Variants in CDH20 observed in about 807,000 individuals in gnomAD.
CDH20 encodes the protein cadherin-20.
In CDH20, 29 loss-of-function variants were observed where a neutral mutation model predicts 74.2. That is an observed-to-expected ratio of 0.39 (90% CI 0.29 to 0.53). The LOEUF (loss-of-function observed/expected upper bound fraction) is 0.53, where lower values mean the gene tolerates loss of function less well. CDH20 is among the 20% of genes least tolerant of loss of function. The pLI, the probability that CDH20 is intolerant of heterozygous loss-of-function variation, is 0.69. For missense variants in CDH20, 988 were observed against 1,048.3 expected, an observed-to-expected ratio of 0.94 and a Z score of 0.79; for synonymous variants, 469 against 405.4, an observed-to-expected ratio of 1.16 and a Z score of -1.88.
intron 1 of CDH20, among the ~76,000 whole-genome samples, chr18:61,475,338 G>A (rs1216597981): frequency 6.6e-6 from 1 of 152,168 alleles, no homozygotes; most frequent in Non-Finnish European, 1.5e-5. Context: ...TGACTTGGAT[G>A]GCTAGAAGTG....
At chr18:61,428,445 G>A (rs1599078344) in intron 1 of CDH20, among the ~76,000 whole-genome samples, 2 of 152,068 alleles carry the variant, frequency 1.3e-5, no homozygotes, top group South Asian at 2.1e-4. Flanking sequence ...TTGTGTTGAC[G>A]GCTCCTGCAG....
chr18:61,415,028 A>G (rs1274067786), intron 1 of CDH20, among the ~76,000 whole-genome samples: 2 of 152,134 alleles, frequency 1.3e-5, no homozygotes, highest in African/African-American at 4.8e-5. Flanking sequence ...GTATACAATG[A>G]CATCATTTGC....
chr18:61,470,249 G>T (rs1172718251), intron 1 of CDH20, among the ~76,000 whole-genome samples: 2 of 152,148 alleles, frequency 1.3e-5, no homozygotes, highest in Non-Finnish European at 2.9e-5. Context: ...TATCATCCCT[G>T]TACACAACCT....
intron 1 of CDH20, among the ~76,000 whole-genome samples, chr18:61,460,362 G>T (rs191896004): frequency 6.6e-6 from 1 of 152,268 alleles, no homozygotes; most frequent in Non-Finnish European, 1.5e-5. Context: ...TCCTGGCATT[G>T]AATTCAAAAC....
rs140837815 is a variant in CDH20 at position 61,475,619 on chromosome 18, C to T, written c.-152-14783C>T. Among the ~76,000 whole-genome samples, 480 of 152,242 alleles carry T rather than the reference C, an allele frequency of 3.2e-3. 2 individuals carry two copies. The highest frequency in any genetic ancestry group is 0.011 in the African/African-American group (458 of 41,548). ...TTGGAAAAATCTCAATGCTTAGTGACCATGACTTTAGACATCCTTAAAAGT... is the reference window on the plus strand; with the variant it reads ...TTGGAAAAATCTCAATGCTTAGTGATCATGACTTTAGACATCCTTAAAAGT... On this transcript the variant is annotated intron_variant, in intron 1 of 11. Transcript: ENST00000262717.
chr18:61,521,606 C>T (rs1187978314), intron 6 of CDH20, among the ~76,000 whole-genome samples: 1 of 151,336 alleles, frequency 6.6e-6, no homozygotes, highest in African/African-American at 2.5e-5. Flanking sequence ...CAAAACCTGG[C>T]AGAGACACAA....
At chr18:61,466,703 G>C (rs900955899) in intron 1 of CDH20, among the ~76,000 whole-genome samples, 5 of 152,118 alleles carry the variant, frequency 3.3e-5, no homozygotes, top group Admixed American at 1.3e-4. Flanking sequence ...GTAAAGTTTA[G>C]GTCTGAGGGA....
At chr18:61,426,307 AC>A (rs1200089023) in intron 1 of CDH20, among the ~76,000 whole-genome samples, 1 of 152,014 alleles carries the variant, frequency 6.6e-6, no homozygotes. Context: ...TATACAACCA[AC>A]TCTCCCTCAA....
intron 1 of CDH20, among the ~76,000 whole-genome samples, chr18:61,361,450 G>A (rs1458784327): frequency 6.6e-6 from 1 of 152,174 alleles, no homozygotes; most frequent in Non-Finnish European, 1.5e-5. Flanking sequence ...AAATAGTGCT[G>A]AACTAAGATC....
At chr18:61,362,854 C>T (rs1417376466) in intron 1 of CDH20, among the ~76,000 whole-genome samples, 2 of 152,070 alleles carry the variant, frequency 1.3e-5, no homozygotes, top group South Asian at 2.1e-4. Context: ...TACATATATA[C>T]ATGTTTAATT....
chr18:61,392,964 CACTGCCCAAGTCAAATTT>C (rs1911845068), intron 1 of CDH20, among the ~76,000 whole-genome samples: 1 of 152,174 alleles, frequency 6.6e-6, no homozygotes, highest in Non-Finnish European at 1.5e-5. Flanking sequence ...GTGGCAGGAT[CACTGCCCAAGTCAAATTT>C]ACAGCAAACT....
In CDH20 at chr18:61,554,921, TTTTC is replaced by T. The variant is rs1356674457; in HGVS notation, c.*230_*233del. ...CAGAATCTTTAATTACCTTTTTTTC[TTTTC>T]TTTTTGATTTTTCTGACACTGTGTG... On this transcript the variant is annotated 3_prime_UTR_variant, in exon 12 of 12. Coordinates refer to ENST00000262717, the MANE Select transcript of CDH20 (RefSeq NM_031891.4). 7.3e-7 allele frequency: 1 copy of T among 1,370,282 alleles called. No homozygotes were observed. Among genetic ancestry groups the T allele is most frequent in the Non-Finnish European group, 9.4e-7 (1 of 1,063,658 alleles). The allele number at this position is 1,370,282 out of a possible 1,614,324, so 84.9% of individuals were successfully genotyped here. A position where few individuals can be genotyped will look rare whatever the true frequency, so the allele number is the denominator to read the frequency against.
chr18:61,499,671 T>C (rs962623239), intron 3 of CDH20, among the ~76,000 whole-genome samples, 191 bp downstream of exon 3: 1 of 152,206 alleles, frequency 6.6e-6, no homozygotes, highest in Non-Finnish European at 1.5e-5. Context: ...GGAAGCTATA[T>C]AGACATTGGA....
intron 1 of CDH20, among the ~76,000 whole-genome samples, chr18:61,337,930 T>C (rs542574878): frequency 6.6e-6 from 1 of 152,196 alleles, no homozygotes; most frequent in South Asian, 2.1e-4. Flanking sequence ...AGTATAATTG[T>C]TCTGGGAATA....
intron 6 of CDH20, among the ~76,000 whole-genome samples, chr18:61,518,506 A>G (rs1443301181): frequency 6.9e-6 from 1 of 145,662 alleles, no homozygotes; most frequent in Non-Finnish European, 1.5e-5. Context: ...AGCAAACTCC[A>G]GCAGACCTGC....
At chr18:61,454,312 T>A (rs139503130) in intron 1 of CDH20, among the ~76,000 whole-genome samples, 13 of 152,328 alleles carry the variant, frequency 8.5e-5, no homozygotes, top group Non-Finnish European at 1.6e-4. Flanking sequence ...ACAGTAGAGA[T>A]ACAGGAAGTT....
rs145980737 is a variant in CDH20, at chr18:61,430,672, G to T, written c.-152-59730G>T. On this transcript the variant is annotated intron_variant, in intron 1 of 11. Transcript: ENST00000262717. ...CAGTATGAACTAATGGATATTCATT[G>T]TATACTTTGGGTTATAATCCAATAC... 1.3e-3 allele frequency among the ~76,000 whole-genome samples: 194 copies of T among 152,222 alleles called. 1 individual carries two copies. Among genetic ancestry groups the T allele is most frequent in the African/African-American group, 4.4e-3 (183 of 41,534 alleles).
At chr18:61,473,221 T>C (rs1304977881) in intron 1 of CDH20, among the ~76,000 whole-genome samples, 1 of 152,254 alleles carries the variant, frequency 6.6e-6, no homozygotes, top group Admixed American at 6.5e-5. Context: ...AATTTGATGC[T>C]ATTAACCAAT....
At chr18:61,365,627 G>C (rs541002002) in intron 1 of CDH20, among the ~76,000 whole-genome samples, 31 of 152,194 alleles carry the variant, frequency 2.0e-4, no homozygotes, top group Non-Finnish European at 4.6e-4. Context: ...TTAGTTGTCA[G>C]TTATGTATCA....
Sources: gnomAD v4.1 joint callset for allele counts (sites outside exome capture counted in the v4.1 genomes callset) on GRCh38, gnomAD v4.1.1 for gene constraint, MANE v1.5 for transcripts, NCBI Gene and HGNC (gene_info 2026-07-23, HGNC 2026-07-21) for gene names.